JMJD1C: variants seen among roughly 807,000 people sequenced by gnomAD.
JMJD1C encodes jumonji domain containing 1C, also known as jumonji domain-containing protein 1C.
JMJD1C carries 31 observed loss-of-function variants against 245.3 expected under a neutral mutation model. The observed-to-expected ratio is 0.13, with a 90% CI of 0.09 to 0.17. The LOEUF is 0.17. JMJD1C is among the 10% of genes least tolerant of loss of function. The pLI, the probability that JMJD1C is intolerant of heterozygous loss-of-function variation, is 1.00. For synonymous variants in JMJD1C, 1,057 were observed against 1,017.4 expected (o/e 1.04, Z -0.74); for missense variants, 2,691 against 3,000.2 (o/e 0.90, Z 2.41).
intron 2 of JMJD1C, among the ~76,000 whole-genome samples, chr10:63,274,551 C>G (rs944295165): frequency 1.3e-5 from 2 of 151,108 alleles, no homozygotes; most frequent in African/African-American, 4.9e-5. Context: ...GGTGACAGAG[C>G]GAGACTCAGT....
At position 63,208,294 on chromosome 10, in the gene JMJD1C, G is replaced by A. The variant is rs753417322; in HGVS notation, c.3375C>T (p.Ala1125=). 2 of 1,613,868 alleles carry A rather than the reference G, an allele frequency of 1.2e-6. No homozygotes were observed. Among genetic ancestry groups the A allele is most frequent in the African/African-American group, 1.3e-5 (1 of 74,872 alleles). The change falls in exon 10 of 26, where the codon GCC becomes GCT. Residue 1125 remains alanine, a synonymous_variant. Coordinates refer to ENST00000399262, the MANE Select transcript of JMJD1C (RefSeq NM_032776.3). The part of the protein sequence containing the change: ...SNIYGDKQSN[A]LAAAAANPQT... ...GAGGATTAGCTGCTGCCGCTGCAAG[G>A]GCATTACTCTGTTTATCACCGTAAA...
At chr10:63,180,418 A>C (rs936526076) in intron 22 of JMJD1C, among the ~76,000 whole-genome samples, 11 of 152,212 alleles carry the variant, frequency 7.2e-5, no homozygotes, top group Admixed American at 1.3e-4. Flanking sequence ...GGTCCTAATA[A>C]ATCTAGACAA....
intron 2 of JMJD1C, among the ~76,000 whole-genome samples, chr10:63,311,057 G>A (rs1044850433): frequency 1.3e-5 from 2 of 152,024 alleles, no homozygotes; most frequent in Non-Finnish European, 2.9e-5. Context: ...AGAATGTCTA[G>A]TAAATGGGTA....
chr10:63,291,629 AC>A (rs60446863), intron 2 of JMJD1C, among the ~76,000 whole-genome samples: 2 of 149,810 alleles, frequency 1.3e-5, no homozygotes, highest in African/African-American at 4.9e-5. Flanking sequence ...AAAAAAAAAA[AC>A]CGGAAAGAAA....
At chr10:63,268,356 C>CA (rs575603270) in intron 2 of JMJD1C, among the ~76,000 whole-genome samples, 124 of 149,464 alleles carry the variant, frequency 8.3e-4, no homozygotes, top group Non-Finnish European at 1.4e-3. Flanking sequence ...AGGGAATAAC[C>CA]AAAAAAAAAC....
intron 2 of JMJD1C, among the ~76,000 whole-genome samples, chr10:63,272,439 C>T (rs1327227740): frequency 6.6e-6 from 1 of 152,146 alleles, no homozygotes; most frequent in Non-Finnish European, 1.5e-5. Flanking sequence ...TTAGTAGAGA[C>T]AGGGTTTCAC....
At chr10:63,244,018 CAGG>C (rs914656259) in intron 3 of JMJD1C, among the ~76,000 whole-genome samples, 1 of 152,142 alleles carries the variant, frequency 6.6e-6, no homozygotes, top group Non-Finnish European at 1.5e-5. Flanking sequence ...GGTTTTCTGG[CAGG>C]AGATCTATCC....
intron 1 of JMJD1C, among the ~76,000 whole-genome samples, chr10:63,402,294 G>T (rs1948914622): frequency 1.3e-5 from 2 of 152,052 alleles, no homozygotes; most frequent in African/African-American, 2.4e-5. Context: ...TATAAAATGA[G>T]AAAGTAAGTA....
upstream of JMJD1C, among the ~76,000 whole-genome samples, chr10:63,470,554 T>C (rs1198475006): frequency 1.3e-5 from 2 of 152,194 alleles, no homozygotes; most frequent in Non-Finnish European, 2.9e-5. Context: ...AAAACATTCA[T>C]TTCATTACCA....
intron 1 of JMJD1C, among the ~76,000 whole-genome samples, chr10:63,402,569 A>G (rs1948932165): frequency 6.6e-6 from 1 of 152,172 alleles, no homozygotes; most frequent in Non-Finnish European, 1.5e-5. Context: ...AAAATGTGAT[A>G]ATAAACCAAC....
chr10:63,320,484 C>T (rs1284042185), intron 2 of JMJD1C, among the ~76,000 whole-genome samples: 1 of 152,012 alleles, frequency 6.6e-6, no homozygotes, highest in East Asian at 1.9e-4. Context: ...CACTGTCAGC[C>T]CCATTGAGCT....
intron 2 of JMJD1C, among the ~76,000 whole-genome samples, chr10:63,266,477 T>A (rs1247914602): frequency 2.6e-5 from 4 of 152,134 alleles, no homozygotes; most frequent in Non-Finnish European, 5.9e-5. Flanking sequence ...TTTAAAAGTG[T>A]CCACCACTAC....
At chr10:63,362,435 ATAGTT>A (rs1257534432) in intron 2 of JMJD1C, among the ~76,000 whole-genome samples, 1 of 150,450 alleles carries the variant, frequency 6.6e-6, no homozygotes, top group African/African-American at 2.4e-5. Context: ...GTAAATCACA[ATAGTT>A]TAAATAGTTC....
At chr10:63,252,641 T>A (rs1853247520) in intron 3 of JMJD1C, among the ~76,000 whole-genome samples, 1 of 152,124 alleles carries the variant, frequency 6.6e-6, no homozygotes, top group South Asian at 2.1e-4. Flanking sequence ...ACTTGCCACA[T>A]CCCATACTGG....
At chr10:63,293,022 C>T (rs758621491) in intron 2 of JMJD1C, among the ~76,000 whole-genome samples, 1 of 152,150 alleles carries the variant, frequency 6.6e-6, no homozygotes, top group Non-Finnish European at 1.5e-5. Flanking sequence ...CCAGCCTAGG[C>T]GAGAGTGAGA....
intron 2 of JMJD1C, among the ~76,000 whole-genome samples, chr10:63,352,026 T>C (rs1185894683): frequency 6.6e-6 from 1 of 151,896 alleles, no homozygotes; most frequent in Non-Finnish European, 1.5e-5. Flanking sequence ...AACCATCTCA[T>C]CCTAGTAAGG....
At chr10:63,281,706 G>A (rs1016989965) in intron 2 of JMJD1C, among the ~76,000 whole-genome samples, 1 of 150,984 alleles carries the variant, frequency 6.6e-6, no homozygotes, top group Non-Finnish European at 1.5e-5. Flanking sequence ...TCCTGACCTC[G>A]TGATCTACCA....
At chr10:63,279,123 G>A (rs1402917285) in intron 2 of JMJD1C, among the ~76,000 whole-genome samples, 2 of 151,624 alleles carry the variant, frequency 1.3e-5, no homozygotes, top group South Asian at 4.1e-4. Flanking sequence ...GTTGGCGGGC[G>A]CCTGTAATCC....
intron 2 of JMJD1C, chr10:63,268,852 C>T (rs1474713536): frequency 8.1e-6 from 8 of 985,612 alleles, no homozygotes; most frequent in South Asian, 9.4e-5. Flanking sequence ...CTTGCAGCGG[C>T]GTCATTGTAT....
Sources: allele counts gnomAD v4.1 joint callset (sites outside exome capture counted in the v4.1 genomes callset), GRCh38; gene constraint gnomAD v4.1.1; transcripts MANE v1.5; gene names NCBI Gene and HGNC (gene_info 2026-07-23, HGNC 2026-07-21).